The following PAPPA2 variants were observed in gnomAD, a reference collection of about 807,000 sequenced individuals.
PAPPA2 encodes pappalysin 2, also known as pappalysin-2.
PAPPA2 carries 86 observed loss-of-function variants against 176.4 expected under a neutral mutation model. The observed-to-expected ratio is 0.49, with a 90% CI of 0.41 to 0.58. The LOEUF is 0.58. PAPPA2 is among the 20% of genes least tolerant of loss of function. PAPPA2 has a pLI of 0.00. For synonymous variants in PAPPA2, 809 were observed against 852.2 expected, an observed-to-expected ratio of 0.95 and a Z score of 0.88; for missense variants, 2,073 against 2,256.9, an observed-to-expected ratio of 0.92 and a Z score of 1.65.
chr1:176,697,420 T>C (rs1243596357), intron 7 of PAPPA2, among the ~76,000 whole-genome samples: 1 of 152,180 alleles, frequency 6.6e-6, no homozygotes, highest in Non-Finnish European at 1.5e-5. Context: ...ATTAATGAAC[T>C]AAGTATATAT....
At chr1:176,723,986 C>G (rs933569573) in intron 12 of PAPPA2, among the ~76,000 whole-genome samples, 3 of 152,094 alleles carry the variant, frequency 2.0e-5, no homozygotes, top group Non-Finnish European at 2.9e-5. Flanking sequence ...ACTCAAAGTG[C>G]TTTTTCTACA....
At chr1:176,764,251 C>T (rs1464314946) in intron 14 of PAPPA2, among the ~76,000 whole-genome samples, 1 of 152,138 alleles carries the variant, frequency 6.6e-6, no homozygotes, top group East Asian at 1.9e-4. Flanking sequence ...AAACCATATC[C>T]AAACCATAGC....
At chr1:176,814,284 A>G (rs1472604804) in intron 21 of PAPPA2, among the ~76,000 whole-genome samples, 3 of 152,134 alleles carry the variant, frequency 2.0e-5, no homozygotes, top group Non-Finnish European at 4.4e-5. Flanking sequence ...TTGCTTCCAT[A>G]TGAATTTTAA....
At chr1:176,573,187 C>T (rs1182844339) in intron 2 of PAPPA2, among the ~76,000 whole-genome samples, 1 of 152,152 alleles carries the variant, frequency 6.6e-6, no homozygotes, top group African/African-American at 2.4e-5. Flanking sequence ...TTCACACCCC[C>T]TAAGGTGTGT....
chr1:176,742,992 T>C (rs1366613391), intron 14 of PAPPA2, among the ~76,000 whole-genome samples: 2 of 152,184 alleles, frequency 1.3e-5, no homozygotes, highest in Admixed American at 1.3e-4. Flanking sequence ...GAATCTCAGA[T>C]GAAAGCCAGT....
intron 1 of PAPPA2, among the ~76,000 whole-genome samples, chr1:176,553,241 G>T (rs1456252122): frequency 1.3e-5 from 2 of 148,772 alleles, no homozygotes; most frequent in Admixed American, 1.3e-4. Context: ...AGGCTGAGCG[G>T]TGGGTAAGGC....
chr1:176,557,180 G>A lies in PAPPA2; in HGVS notation c.858G>A (p.Ala286=). Residue 286 remains alanine (A), a synonymous_variant, in exon 2 of 23, where the codon GCG becomes GCA. Coordinates refer to ENST00000367662, the MANE Select transcript of PAPPA2 (RefSeq NM_020318.3). The part of the protein sequence containing the change: ...PEVLAEIPRE[A]FTVEAWVKPE... ...TGCTGGCTGAGATTCCCCGGGAGGC[G>A]TTCACAGTGGAAGCCTGGGTTAAAC... The A allele has an allele frequency of 1.9e-6, 3 of 1,612,888 alleles. No individual in the cohort carries two copies. The highest frequency in any genetic ancestry group is 2.2e-5 in the East Asian group (1 of 44,804).
At chr1:176,831,150 G>A (rs1221659562) in intron 21 of PAPPA2, among the ~76,000 whole-genome samples, 1 of 151,666 alleles carries the variant, frequency 6.6e-6, no homozygotes, top group Admixed American at 6.6e-5. Flanking sequence ...GAGTGATTCA[G>A]TGCAGAAGGA....
chr1:176,742,519 T>G (rs1662729595), intron 14 of PAPPA2, among the ~76,000 whole-genome samples: 2 of 152,192 alleles, frequency 1.3e-5, no homozygotes, highest in South Asian at 4.1e-4. Flanking sequence ...GTTTACACTG[T>G]GTATCTGGAA....
intron 14 of PAPPA2, among the ~76,000 whole-genome samples, chr1:176,756,709 A>C (rs1447879098): frequency 3.3e-5 from 5 of 151,400 alleles, no homozygotes; most frequent in Admixed American, 3.3e-4. Context: ...TAAGACTCTT[A>C]TTATTATTAT....
intron 1 of PAPPA2, among the ~76,000 whole-genome samples, chr1:176,464,184 G>T (rs1651508255): frequency 6.6e-6 from 1 of 152,154 alleles, no homozygotes; most frequent in Non-Finnish European, 1.5e-5. Context: ...CTGGAACAGT[G>T]ATTTCTTATG....
At chr1:176,467,272 G>A (rs996857301) in intron 1 of PAPPA2, among the ~76,000 whole-genome samples, 9 of 152,316 alleles carry the variant, frequency 5.9e-5, no homozygotes, top group Non-Finnish European at 1.2e-4. Context: ...TGTTGTTTAT[G>A]CAGTCCGTTG....
rs144639424 is a variant in PAPPA2, at chr1:176,653,011, G to A, written c.1992-17959G>A. Among the ~76,000 whole-genome samples the A allele has an allele frequency of 2.0e-5, 3 of 151,796 alleles. No individual in the cohort carries two copies. In the East Asian group the frequency reaches 5.9e-4, roughly 30 times the overall value. ...CTGGAGAGGAGTGGGAGTGAAGCCA[G>A]CTTGCTTCTACACCACCATTTTAAA... On this transcript the variant is annotated intron_variant, in intron 3 of 22. Transcript: ENST00000367662.
intron 17 of PAPPA2, among the ~76,000 whole-genome samples, chr1:176,776,835 A>C (rs1009008117): frequency 6.6e-6 from 1 of 150,576 alleles, no homozygotes; most frequent in South Asian, 2.1e-4. Context: ...TAGTATAGTA[A>C]AATATATTAT....
Position 176,643,814 on chromosome 1 carries a change from A to AG in PAPPA2, c.1992-27151dup, listed in dbSNP as rs1314839228. Among the ~76,000 whole-genome samples, 4 of 151,816 alleles carry AG rather than the reference A, an allele frequency of 2.6e-5. No homozygotes were observed. The East Asian group carries it at 7.8e-4, about 30-fold the overall frequency. Reference sequence around the variant, plus strand: ...TCAAAACACTTGTGTTGGGCGGAAGAGGGGGAGATTGATTAGAAGAGATGT... The same window carrying AG: ...TCAAAACACTTGTGTTGGGCGGAAGAGGGGGGAGATTGATTAGAAGAGATGT... On this transcript the variant is annotated intron_variant, in intron 3 of 22. Coordinates refer to ENST00000367662, the MANE Select transcript of PAPPA2 (RefSeq NM_020318.3).
chr1:176,742,694 T>C (rs186968839), intron 14 of PAPPA2, among the ~76,000 whole-genome samples: 26 of 152,310 alleles, frequency 1.7e-4, no homozygotes, highest in Non-Finnish European at 3.7e-4. Flanking sequence ...AATCCCTATG[T>C]ATTCTCAAAG....
At chr1:176,829,085 C>G (rs1666973046) in intron 21 of PAPPA2, among the ~76,000 whole-genome samples, 1 of 152,074 alleles carries the variant, frequency 6.6e-6, no homozygotes, top group Admixed American at 6.5e-5. Context: ...AAGTTTACCC[C>G]AAAGTGAAAC....
intron 21 of PAPPA2, among the ~76,000 whole-genome samples, chr1:176,821,225 A>G (rs1296771302): frequency 2.6e-5 from 4 of 152,208 alleles, no homozygotes; most frequent in Admixed American, 2.0e-4. Flanking sequence ...CAATAGAGAT[A>G]AAAAATATCA....
chr1:176,692,187 C>T lies in PAPPA2; in HGVS notation c.2493C>T (p.Asp831=), dbSNP rs1660148973. The T allele has an allele frequency of 4.3e-5, 69 of 1,614,054 alleles. No individual in the cohort carries two copies. The highest frequency in any genetic ancestry group is 5.8e-5 in the Non-Finnish European group (69 of 1,179,964). Residue 831 remains aspartate (D), a synonymous_variant, in exon 6 of 23, where the codon GAC becomes GAT. Transcript: ENST00000367662. ...NQVARMHCYL[D]LVYQQWTESR... is the part of the protein sequence containing the mutation. ...TGGCCCGAATGCATTGCTATTTGGACCTAGTCTATCAGCAGTGGACTGAAA... is the reference window on the plus strand; with the variant it reads ...TGGCCCGAATGCATTGCTATTTGGATCTAGTCTATCAGCAGTGGACTGAAA...
Sources: allele counts gnomAD v4.1 joint callset (sites outside exome capture counted in the v4.1 genomes callset), GRCh38; gene constraint gnomAD v4.1.1; transcripts MANE v1.5; gene names NCBI Gene and HGNC (gene_info 2026-07-23, HGNC 2026-07-21).